The following SMC4 variants were observed in gnomAD, a reference collection of about 807,000 sequenced individuals.
SMC4 encodes structural maintenance of chromosomes protein 4.
Under a neutral mutation model 145.6 loss-of-function variants are expected in SMC4, and 87 were observed. That is an observed-to-expected ratio of 0.60 (90% CI 0.50 to 0.71). The LOEUF is 0.71. Among genes scored for constraint, SMC4 ranks in the 30% least tolerant of loss-of-function variants. The pLI is 0.00. For missense variants in SMC4, 1,447 were observed against 1,537.1 expected (o/e 0.94, Z 0.98); for synonymous variants, 558 against 500.7 (o/e 1.11, Z -1.53).
At chr3:160,430,994 T>G (rs748466441) in intron 19 of SMC4, 38 bp from the exon 20 acceptor site, 1 of 1,564,904 alleles carries the variant, frequency 6.4e-7, no homozygotes, top group Non-Finnish European at 8.6e-7. Context: ...ATGGCTCTAT[T>G]TGGAAAATTC....
Position 160,417,864 on chromosome 3 carries a change from C to T in SMC4, c.1579C>T (p.Leu527=). 1 of 1,613,656 alleles carries T rather than the reference C, an allele frequency of 6.2e-7. No individual in the cohort carries two copies. The highest frequency in any genetic ancestry group is 8.5e-7 in the Non-Finnish European group (1 of 1,179,768). Residue 527 remains leucine, a synonymous_variant, in exon 11 of 24, where the codon CTA becomes TTA. Transcript: ENST00000357388. ...TCAATTAACTAAGGCTAAGGAAGCT[C>T]TAATTGCAGCTTCTGAGACTCTCAA... The part of the protein sequence containing the change: ...VSQLTKAKEA[L]IAASETLKER...
Position 160,402,829 on chromosome 3 carries a change from T to C in SMC4, c.472T>C (p.Cys158Arg), listed in dbSNP as rs1313248680. 1 of 1,587,300 alleles carries C rather than the reference T, an allele frequency of 6.3e-7. No individual in the cohort carries two copies. The highest frequency in any genetic ancestry group is 1.4e-5 in the African/African-American group (1 of 73,194). The change falls in exon 4 of 24, where the codon TGT becomes CGT. Residue 158 changes from cysteine to arginine, a missense_variant. Transcript: ENST00000357388. ...TGATGAACACAAGGACATTCAGAGT[T>C]GTACAGTAGAAGTTCATTTTCAAAA... ...NSDEHKDIQS[C>R]TVEVHFQKII...
chr3:160,402,541 A>G, intron 3 of SMC4, 135 bp from the exon 4 acceptor site: 2 of 825,222 alleles, frequency 2.4e-6, no homozygotes, highest in East Asian at 5.4e-5. Context: ...TATGCCTGTG[A>G]TTAGCAATGA....
At chr3:160,413,091 C>T (rs1235928755) in intron 7 of SMC4, among the ~76,000 whole-genome samples, 1 of 152,076 alleles carries the variant, frequency 6.6e-6, no homozygotes, top group Non-Finnish European at 1.5e-5. Context: ...CACACCAACA[C>T]ACCTGGCTAA....
At chr3:160,430,099 C>CT (rs1410330649) in intron 18 of SMC4, among the ~76,000 whole-genome samples, 2 of 151,900 alleles carry the variant, frequency 1.3e-5, no homozygotes, top group East Asian at 1.9e-4. Flanking sequence ...ATAGCCATTT[C>CT]TTTTTTTAGA....
chr3:160,412,387 C>T lies in SMC4; in HGVS notation c.914C>T (p.Ala305Val). The T allele has an allele frequency of 6.2e-7, 1 of 1,604,138 alleles. No individual in the cohort carries two copies. The highest frequency in any genetic ancestry group is 8.5e-7 in the Non-Finnish European group (1 of 1,171,538). Residue 305 changes from alanine to valine, a missense_variant, in exon 7 of 24, where the codon GCT becomes GTT. Ala to Val is a moderately conservative substitution (Grantham distance 64). Coordinates refer to ENST00000357388, the MANE Select transcript of SMC4 (RefSeq NM_001002800.3). ...KDALEGEKNI[A>V]IEFLTLENEI... is the part of the protein sequence containing the mutation. ...GCCTTAGAAGGAGAGAAAAACATAG[C>T]TATCGAATTTCTTACCTTGGAAAAT... is the stretch of plus-strand genomic sequence containing the variant.
chr3:160,417,041 A>G (rs1716665682), intron 10 of SMC4, among the ~76,000 whole-genome samples: 1 of 152,230 alleles, frequency 6.6e-6, no homozygotes, highest in South Asian at 2.1e-4. Flanking sequence ...GATATGTATT[A>G]TCTACCCCAA....
intron 13 of SMC4, among the ~76,000 whole-genome samples, chr3:160,423,176 A>C (rs1011426685): frequency 2.0e-5 from 3 of 152,176 alleles, no homozygotes; most frequent in African/African-American, 7.2e-5. Context: ...GCGAGGAAGT[A>C]ACTGGGATTT....
chr3:160,432,304 G>A lies in SMC4; in HGVS notation c.3319G>A (p.Val1107Ile), dbSNP rs149464393. ...KKKEELYLQR[V>I]AELDKITYER... ...ACAGGAAGAATTGTATTTGCAACGG[G>A]TAGCAGAATTGGACAAAATTACTTA... is the stretch of plus-strand genomic sequence containing the variant. The change falls in exon 22 of 24, where the codon GTA becomes ATA. Residue 1107 changes from valine to isoleucine, a missense_variant. By Grantham distance (29) the Val-to-Ile change is conservative. Coordinates refer to ENST00000357388, the MANE Select transcript of SMC4 (RefSeq NM_001002800.3). 1.9e-6 allele frequency: 3 copies of A among 1,608,098 alleles called. No homozygotes were observed. The highest frequency in any genetic ancestry group is 1.7e-6 in the Non-Finnish European group (2 of 1,178,054).
At chr3:160,420,603 T>A in intron 12 of SMC4, 137 bp from the exon 13 acceptor site, 1 of 747,026 alleles carries the variant, frequency 1.3e-6, no homozygotes, top group Non-Finnish European at 2.1e-6. Flanking sequence ...TTGTATTTTG[T>A]TGTGTACCCT....
chr3:160,419,309 C>T, intron 11 of SMC4, 49 bp from the exon 12 acceptor site: 1 of 1,237,368 alleles, frequency 8.1e-7, no homozygotes, highest in Non-Finnish European at 1.1e-6. Context: ...TATGACTGGT[C>T]ATATTTAGAA....
rs540165677 is a variant in SMC4 at position 160,406,833 on chromosome 3, G to A, written c.687+2329G>A. ...GCCATTCAATTGAATTCCTATTAAG[G>A]CACTATGCTAAAATGCTGTAAGTAA... On this transcript the variant is annotated intron_variant, in intron 5 of 23. Coordinates refer to ENST00000357388, the MANE Select transcript of SMC4 (RefSeq NM_001002800.3). Among the ~76,000 whole-genome samples, 10 of 152,132 alleles carry A rather than the reference G, an allele frequency of 6.6e-5. No homozygotes were observed. The East Asian group carries it at 1.5e-3, about 23-fold the overall frequency.
intron 2 of SMC4, 86 bp downstream of exon 2, chr3:160,401,051 T>G (rs1427252685): frequency 7.4e-6 from 10 of 1,343,668 alleles, no homozygotes; most frequent in Non-Finnish European, 9.5e-6. Context: ...CTGGGGTTGT[T>G]GAGCGCGGAG....
chr3:160,403,631 T>C lies in SMC4; in HGVS notation c.511-697T>C, dbSNP rs114686976. Reference sequence around the variant, plus strand: ...TTAATTTGGTTTCTTTTGTGCTTTCTATTGTACAAGTTGGGTTGGAAAATA... The same window carrying C: ...TTAATTTGGTTTCTTTTGTGCTTTCCATTGTACAAGTTGGGTTGGAAAATA... On this transcript the variant is annotated intron_variant, in intron 4 of 23. Coordinates refer to ENST00000357388, the MANE Select transcript of SMC4 (RefSeq NM_001002800.3). Among the ~76,000 whole-genome samples, 1,118 of 152,276 alleles carry C rather than the reference T, an allele frequency of 7.3e-3. 20 individuals carry two copies. The highest frequency in any genetic ancestry group is 0.026 in the African/African-American group (1,074 of 41,580).
rs1194616064 is a variant in SMC4, at chr3:160,412,462, C to T, written c.980+9C>T. ...GTTTGTCAATATTATATGTAAGTGC[C>T]TTGATTGATATTACCAATTTTTATA... is the stretch of plus-strand genomic sequence containing the variant. On this transcript the variant is annotated intron_variant, in intron 7 of 23. Coordinates refer to ENST00000357388, the MANE Select transcript of SMC4 (RefSeq NM_001002800.3). 6.3e-7 allele frequency: 1 copy of T among 1,590,210 alleles called. No homozygotes were observed. Among genetic ancestry groups the T allele is most frequent in the African/African-American group, 1.4e-5 (1 of 73,754 alleles).
In SMC4 at chr3:160,426,076, T is replaced by A. The variant is rs1441510229; in HGVS notation, c.2481T>A (p.Arg827=). The part of the protein sequence containing the change: ...TLEKFTASIQ[R]LIEQEEYLNV... ...TAAATGTTAAAACTTTTTTGTAGCGTTTAATAGAGCAAGAAGAATATTTGA... is the reference window on the plus strand; with the variant it reads ...TAAATGTTAAAACTTTTTTGTAGCGATTAATAGAGCAAGAAGAATATTTGA... The change falls in exon 17 of 24, where the codon CGT becomes CGA. Residue 827 remains arginine (R), a splice_region_variant and synonymous_variant. Transcript: ENST00000357388. The A allele has an allele frequency of 1.9e-6, 3 of 1,598,866 alleles. No homozygotes were observed. Among genetic ancestry groups the A allele is most frequent in the Non-Finnish European group, 2.6e-6 (3 of 1,173,252 alleles).
intron 5 of SMC4, among the ~76,000 whole-genome samples, chr3:160,406,043 G>T (rs190781546): frequency 6.6e-6 from 1 of 152,086 alleles, no homozygotes; most frequent in East Asian, 1.9e-4. Flanking sequence ...ATCTCTGTAC[G>T]TAATTCAGTA....
Position 160,422,094 on chromosome 3 carries a change from C to T in SMC4, c.2019+1193C>T, listed in dbSNP as rs146104254. Among the ~76,000 whole-genome samples, 353 of 152,320 alleles carry T rather than the reference C, an allele frequency of 2.3e-3. 3 individuals carry two copies. Among genetic ancestry groups the T allele is most frequent in the African/African-American group, 7.8e-3 (326 of 41,568 alleles). On this transcript the variant is annotated intron_variant, in intron 13 of 23. Coordinates refer to ENST00000357388, the MANE Select transcript of SMC4 (RefSeq NM_001002800.3). ...ATTCTGTTACATCATTTTGTATAAC[C>T]ATTTGTCAGTTGATGGACATTTGTG... is the stretch of plus-strand genomic sequence containing the variant.
chr3:160,421,474 G>A (rs1231251479), intron 13 of SMC4, among the ~76,000 whole-genome samples: 2 of 152,068 alleles, frequency 1.3e-5, no homozygotes, highest in Non-Finnish European at 2.9e-5. Context: ...GGCCAGGTGC[G>A]GTGGCTCATG....
Sources: gnomAD v4.1 joint callset for allele counts (sites outside exome capture counted in the v4.1 genomes callset) on GRCh38, gnomAD v4.1.1 for gene constraint, MANE v1.5 for transcripts, NCBI Gene and HGNC (gene_info 2026-07-23, HGNC 2026-07-21) for gene names.